Variants in BNC2 observed in about 807,000 individuals in gnomAD.
The protein encoded by BNC2 is zinc finger protein basonuclin-2.
Under a neutral mutation model 76.3 loss-of-function variants are expected in BNC2, and 20 were observed. The ratio of observed to expected loss-of-function variants is 0.26; its 90% CI spans 0.18 to 0.38. The LOEUF is 0.38. Among genes scored for constraint, BNC2 ranks in the 10% least tolerant of loss-of-function variants. The pLI is 1.00. For missense variants in BNC2, 1,382 were observed against 1,399.8 expected, an observed-to-expected ratio of 0.99 and a Z score of 0.20; for synonymous variants, 582 against 514.8, an observed-to-expected ratio of 1.13 and a Z score of -1.77.
chr9:16,524,615 A>C (rs1817735326), intron 5 of BNC2, among the ~76,000 whole-genome samples: 1 of 152,234 alleles, frequency 6.6e-6, no homozygotes, highest in Non-Finnish European at 1.5e-5. Flanking sequence ...ATAATAATCT[A>C]CTGAACATGT....
chr9:16,544,247 C>G (rs1283813559), intron 5 of BNC2, among the ~76,000 whole-genome samples: 1 of 151,990 alleles, frequency 6.6e-6, no homozygotes, highest in Non-Finnish European at 1.5e-5. Context: ...ATTTTTTTTG[C>G]TATTTGAAGG....
At chr9:16,870,610 T>C (rs201294803) in intron 1 of BNC2, 36 bp downstream of exon 1, 3 of 1,608,346 alleles carry the variant, frequency 1.9e-6, no homozygotes, top group African/African-American at 1.4e-5. Context: ...TGAGGAAGTC[T>C]AGAATAAAAG....
intron 3 of BNC2, among the ~76,000 whole-genome samples, chr9:16,694,233 G>C (rs1417564269): frequency 6.6e-6 from 1 of 152,156 alleles, no homozygotes; most frequent in African/African-American, 2.4e-5. Flanking sequence ...AAGCAGAATA[G>C]TGAATTTGAA....
At chr9:16,776,412 T>A (rs1396503598) in intron 1 of BNC2, among the ~76,000 whole-genome samples, 1 of 152,112 alleles carries the variant, frequency 6.6e-6, no homozygotes, top group East Asian at 1.9e-4. Flanking sequence ...AGTGCTAGGA[T>A]TACAGGGGTG....
intron 5 of BNC2, among the ~76,000 whole-genome samples, chr9:16,472,167 C>T (rs955374763): frequency 2.0e-5 from 3 of 152,140 alleles, no homozygotes; most frequent in Admixed American, 2.0e-4. Context: ...TTCCAAAGGC[C>T]TCACAAGCAC....
intron 4 of BNC2, 61 bp downstream of exon 4, chr9:16,582,922 C>CACAA: frequency 8.1e-7 from 1 of 1,233,878 alleles, no homozygotes; most frequent in Non-Finnish European, 1.2e-6. Context: ...CACACACACA[C>CACAA]ACACACACAC....
At chr9:16,792,227 C>T (rs1219475713) in intron 1 of BNC2, among the ~76,000 whole-genome samples, 3 of 119,844 alleles carry the variant, frequency 2.5e-5, no homozygotes, top group Non-Finnish European at 1.7e-5. Flanking sequence ...CCTACGTGAT[C>T]AGTTGCATTA....
At chr9:16,697,584 G>A (rs1057463381) in intron 3 of BNC2, among the ~76,000 whole-genome samples, 4 of 137,556 alleles carry the variant, frequency 2.9e-5, no homozygotes, top group African/African-American at 1.0e-4. Context: ...GGCTGGGTAT[G>A]GTGGCACATG....
At chr9:16,543,727 CA>C (rs1818392505) in intron 5 of BNC2, among the ~76,000 whole-genome samples, 1 of 152,174 alleles carries the variant, frequency 6.6e-6, no homozygotes, top group East Asian at 1.9e-4. Flanking sequence ...AGAGCTTTGG[CA>C]TGGGATTCAA....
Position 16,435,492 on chromosome 9 carries a change from C to A in BNC2, c.2639+63G>T, listed in dbSNP as rs561106543. 6 of 1,579,140 alleles carry A rather than the reference C, an allele frequency of 3.8e-6. No individual in the cohort carries two copies. The East Asian group carries it at 1.1e-4, about 29-fold the overall frequency. On this transcript the variant is annotated intron_variant, in intron 6 of 6. Coordinates refer to ENST00000380672, the MANE Select transcript of BNC2 (RefSeq NM_017637.6). Reference sequence around the variant, plus strand: ...GTTGGATTTCTTTTAGTGTGAAGTCCAACATGACTGAAAACTGGCACCCTC... The same window carrying A: ...GTTGGATTTCTTTTAGTGTGAAGTCAAACATGACTGAAAACTGGCACCCTC...
intron 5 of BNC2, among the ~76,000 whole-genome samples, chr9:16,478,484 C>G (rs1821974916): frequency 6.6e-6 from 1 of 152,204 alleles, no homozygotes; most frequent in African/African-American, 2.4e-5. Flanking sequence ...ACATAAATGA[C>G]ACAAAATACA....
intron 1 of BNC2, among the ~76,000 whole-genome samples, chr9:16,772,737 G>A (rs1287597371): frequency 6.6e-6 from 1 of 152,132 alleles, no homozygotes; most frequent in Non-Finnish European, 1.5e-5. Flanking sequence ...CTTTTGGTCT[G>A]GAGGATGTGT....
In BNC2 at chr9:16,845,153, A is replaced by T. The variant is rs551112930; in HGVS notation, c.3+25493T>A. 8.5e-5 allele frequency among the ~76,000 whole-genome samples: 13 copies of T among 152,272 alleles called. No homozygotes were observed. The South Asian group carries it at 2.7e-3, about 32-fold the overall frequency. On this transcript the variant is annotated intron_variant, in intron 1 of 6. Transcript: ENST00000380672. ...CACTGCCAGGATGCCCCATGTTTTG[A>T]AATAACTTTCTCTTAGGCAGCCTAT...
chr9:16,584,333 T>C (rs572777295), intron 3 of BNC2, among the ~76,000 whole-genome samples: 6 of 152,328 alleles, frequency 3.9e-5, no homozygotes, highest in African/African-American at 1.4e-4. Flanking sequence ...AGGCAGTATT[T>C]TGGATATTGT....
intron 1 of BNC2, among the ~76,000 whole-genome samples, chr9:16,757,751 C>T (rs1253496529): frequency 1.3e-5 from 2 of 149,262 alleles, no homozygotes; most frequent in Non-Finnish European, 3.0e-5. Flanking sequence ...CTTGCAAGGT[C>T]GCATCAAGTT....
intron 3 of BNC2, among the ~76,000 whole-genome samples, chr9:16,626,559 A>C (rs1256970675): frequency 6.6e-6 from 1 of 152,124 alleles, no homozygotes; most frequent in Non-Finnish European, 1.5e-5. Flanking sequence ...AACAACAACA[A>C]AGACAGAGAC....
chr9:16,570,268 C>G (rs1201761409), intron 4 of BNC2, among the ~76,000 whole-genome samples: 1 of 152,080 alleles, frequency 6.6e-6, no homozygotes, highest in South Asian at 2.1e-4. Context: ...AGGGAAATAT[C>G]TAAAAGAAAG....
At chr9:16,480,578 G>A (rs1235510577) in intron 5 of BNC2, among the ~76,000 whole-genome samples, 2 of 152,322 alleles carry the variant, frequency 1.3e-5, no homozygotes, top group East Asian at 1.9e-4. Context: ...GGGTGGGCGT[G>A]GGCTTGGCGG....
intron 3 of BNC2, among the ~76,000 whole-genome samples, chr9:16,633,115 T>C (rs1346775232): frequency 2.0e-5 from 3 of 152,228 alleles, no homozygotes; most frequent in Admixed American, 2.0e-4. Flanking sequence ...GTATTTCATC[T>C]TTTTAAAATT....
Sources: gnomAD v4.1 joint callset for allele counts (sites outside exome capture counted in the v4.1 genomes callset) on GRCh38, gnomAD v4.1.1 for gene constraint, MANE v1.5 for transcripts, NCBI Gene and HGNC (gene_info 2026-07-23, HGNC 2026-07-21) for gene names.